Variants in SDC4 observed in about 807,000 individuals in gnomAD.
SDC4 encodes syndecan-4.
A neutral mutation model predicts 20.5 loss-of-function variants in SDC4; 17 were observed. The ratio of observed to expected loss-of-function variants is 0.83; its 90% CI spans 0.57 to 1.25. SDC4 has a LOEUF of 1.25. Among genes scored for constraint, SDC4 ranks in the 50% most tolerant of loss-of-function variants. The probability of loss-of-function intolerance (pLI) is 0.00; values close to 1 mark genes in which losing one functional copy is unlikely to be tolerated. For synonymous variants in SDC4, 107 were observed against 105.3 expected, an observed-to-expected ratio of 1.02 and a Z score of -0.10; for missense variants, 241 against 252.3, an observed-to-expected ratio of 0.96 and a Z score of 0.30.
chr20:45,339,298 G>C (rs968093241), intron 1 of SDC4, among the ~76,000 whole-genome samples: 1 of 152,170 alleles, frequency 6.6e-6, no homozygotes, highest in African/African-American at 2.4e-5. Flanking sequence ...GATGGACCCC[G>C]CCCTGCTCCT....
intron 1 of SDC4, among the ~76,000 whole-genome samples, chr20:45,346,618 TCC>T (rs1988035934): frequency 6.6e-6 from 1 of 152,200 alleles, no homozygotes; most frequent in Non-Finnish European, 1.5e-5. Flanking sequence ...CTAGGTGGTA[TCC>T]CTTCGGATGC....
At chr20:45,341,054 T>C (rs536631464) in intron 1 of SDC4, among the ~76,000 whole-genome samples, 2 of 152,312 alleles carry the variant, frequency 1.3e-5, no homozygotes, top group Admixed American at 6.5e-5. Flanking sequence ...ATCCTCAGTT[T>C]CCTCTTTTGT....
chr20:45,339,754 T>A (rs1028789826), intron 1 of SDC4, among the ~76,000 whole-genome samples: 1 of 152,036 alleles, frequency 6.6e-6, no homozygotes, highest in African/African-American at 2.4e-5. Flanking sequence ...AAATAAAAAA[T>A]AGGGCAATGG....
intron 1 of SDC4, among the ~76,000 whole-genome samples, chr20:45,342,576 C>T (rs539118066): frequency 3.9e-5 from 6 of 152,014 alleles, no homozygotes; most frequent in African/African-American, 9.7e-5. Context: ...GCCGAGCTCC[C>T]GGGCCTGGAG....
At chr20:45,333,420 G>A (rs2145710037) in intron 2 of SDC4, among the ~76,000 whole-genome samples, 1 of 152,358 alleles carries the variant, frequency 6.6e-6, no homozygotes, top group African/African-American at 2.4e-5. Context: ...TGTAATCCCA[G>A]CATTTTGGGA....
At chr20:45,336,708 A>T (rs1016974162) in intron 1 of SDC4, among the ~76,000 whole-genome samples, 1 of 152,054 alleles carries the variant, frequency 6.6e-6, no homozygotes. Flanking sequence ...TTCACACAGG[A>T]CAGGGAGTGG....
In SDC4 at chr20:45,334,364, T is replaced by C. The variant is rs544978365; in HGVS notation, c.200-1295A>G. ...AGAAAGAAAACTCTAACTGCAATATTAAAACATTTCCTGGGCGACTATGTG... is the reference window on the plus strand; with the variant it reads ...AGAAAGAAAACTCTAACTGCAATATCAAAACATTTCCTGGGCGACTATGTG... On this transcript the variant is annotated intron_variant, in intron 2 of 4. Transcript: ENST00000372733. 5.3e-5 allele frequency among the ~76,000 whole-genome samples: 8 copies of C among 152,216 alleles called. No homozygotes were observed. The East Asian group carries it at 1.4e-3, about 26-fold the overall frequency.
chr20:45,327,097 C>T lies in SDC4; in HGVS notation c.*167G>A. 3.0e-6 allele frequency: 2 copies of T among 668,676 alleles called. No individual in the cohort carries two copies. Among genetic ancestry groups the T allele is most frequent in the Non-Finnish European group, 4.8e-6 (2 of 420,892 alleles). 41.4% of individuals were successfully genotyped at this position (668,676 alleles called of 1,614,324 possible). A position where few individuals can be genotyped will look rare whatever the true frequency, so the allele number is the denominator to read the frequency against. On this transcript the variant is annotated 3_prime_UTR_variant, in exon 5 of 5. Transcript: ENST00000372733. ...GGCCCAAAGCTCAAGAAGAACCTGG[C>T]AGAACAGTAGAAGACAATGTCTCTT... is the stretch of plus-strand genomic sequence containing the variant.
At chr20:45,334,811 C>G (rs1170588435) in intron 2 of SDC4, among the ~76,000 whole-genome samples, 1 of 151,908 alleles carries the variant, frequency 6.6e-6, no homozygotes, top group Non-Finnish European at 1.5e-5. Flanking sequence ...TTTTTTAAAC[C>G]AAACACACAC....
intron 1 of SDC4, among the ~76,000 whole-genome samples, chr20:45,343,666 C>T (rs1221922190): frequency 6.6e-6 from 1 of 152,172 alleles, no homozygotes; most frequent in Non-Finnish European, 1.5e-5. Context: ...TCCCACCTCC[C>T]AGCTGTGGGG....
In SDC4 at chr20:45,335,706, T is replaced by A. The variant is rs1033711281; in HGVS notation, c.199+76A>T. ...CCACAAAAATCCAAGTCTCAAGGCA[T>A]GGTCACCCTCCTGGCTGGTGAAGCC... On this transcript the variant is annotated intron_variant, in intron 2 of 4. Transcript: ENST00000372733. The A allele has an allele frequency of 3.3e-6, 5 of 1,502,892 alleles. No individual in the cohort carries two copies. The African/African-American group carries it at 6.9e-5, about 21-fold the overall frequency. 93.1% of individuals were successfully genotyped at this position (1,502,892 alleles called of 1,614,324 possible). A position where few individuals can be genotyped will look rare whatever the true frequency, so the allele number is the denominator to read the frequency against.
Position 45,348,361 on chromosome 20 carries a change from C to T in SDC4, c.24G>A (p.Ala8=), listed in dbSNP as rs1288413594. The change falls in exon 1 of 5, where the codon GCG becomes GCA. Residue 8 remains alanine, a synonymous_variant. Coordinates refer to ENST00000372733, the MANE Select transcript of SDC4 (RefSeq NM_002999.4). Reference sequence around the variant, plus strand: ...CTCCGCCTACGAAGAACAGCAGCAGCGCGAACAGACGGGCGGGGGCCATGG... The same window carrying T: ...CTCCGCCTACGAAGAACAGCAGCAGTGCGAACAGACGGGCGGGGGCCATGG... MAPARLF[A]LLLFFVGGVA... is the part of the protein sequence containing the mutation. 5 of 1,590,706 alleles carry T rather than the reference C, an allele frequency of 3.1e-6. No individual in the cohort carries two copies. In the African/African-American group the frequency reaches 5.4e-5, roughly 17 times the overall value.
intron 1 of SDC4, 88 bp downstream of exon 1, chr20:45,348,237 C>A: frequency 2.1e-6 from 2 of 970,290 alleles, no homozygotes; most frequent in Non-Finnish European, 2.9e-6. Flanking sequence ...CCCGATCTGC[C>A]CCCCCCCATC....
intron 1 of SDC4, among the ~76,000 whole-genome samples, chr20:45,337,975 G>A (rs998837714): frequency 9.9e-5 from 15 of 152,176 alleles, no homozygotes; most frequent in Admixed American, 7.9e-4. Context: ...TCAAGCCCCC[G>A]CACATAGCCC....
At chr20:45,337,922 A>G (rs1489094058) in intron 1 of SDC4, among the ~76,000 whole-genome samples, 3 of 152,216 alleles carry the variant, frequency 2.0e-5, no homozygotes, top group Admixed American at 6.5e-5. Context: ...AGATGACTTC[A>G]TGACTCGGGA....
At chr20:45,333,980 G>A (rs991960549) in intron 2 of SDC4, among the ~76,000 whole-genome samples, 1 of 141,076 alleles carries the variant, frequency 7.1e-6, no homozygotes, top group Non-Finnish European at 1.5e-5. Context: ...GAATTTCAGG[G>A]CTGACTGAAT....
intron 4 of SDC4, 70 bp downstream of exon 4, chr20:45,330,296 C>T (rs988488346): frequency 1.4e-6 from 2 of 1,413,754 alleles, no homozygotes; most frequent in African/African-American, 1.4e-5. Context: ...GCATCCCTGC[C>T]TGCAGGTGCT....
intron 1 of SDC4, among the ~76,000 whole-genome samples, chr20:45,336,607 C>T (rs559084164): frequency 3.3e-5 from 5 of 152,184 alleles, no homozygotes; most frequent in South Asian, 2.1e-4. Flanking sequence ...GGATTGCATA[C>T]GCAGGGCTGC....
intron 1 of SDC4, among the ~76,000 whole-genome samples, chr20:45,347,908 C>G (rs574094790): frequency 6.6e-6 from 1 of 152,222 alleles, no homozygotes; most frequent in Non-Finnish European, 1.5e-5. Context: ...TACACGCAGC[C>G]CCCCGACCCC....
Sources: gnomAD v4.1 joint callset for allele counts (sites outside exome capture counted in the v4.1 genomes callset) on GRCh38, gnomAD v4.1.1 for gene constraint, MANE v1.5 for transcripts, NCBI Gene and HGNC (gene_info 2026-07-23, HGNC 2026-07-21) for gene names.